Variants in PTK7 observed in about 807,000 individuals in gnomAD.
PTK7 encodes inactive tyrosine-protein kinase 7.
A neutral mutation model predicts 116.6 loss-of-function variants in PTK7; 39 were observed. The observed-to-expected ratio is 0.33, with a 90% CI of 0.26 to 0.44. The LOEUF (loss-of-function observed/expected upper bound fraction) is 0.44. Among genes scored for constraint, PTK7 ranks in the 20% least tolerant of loss-of-function variants. The pLI is 1.00. For missense variants in PTK7, 1,169 were observed against 1,425.6 expected (o/e 0.82, Z 2.90); for synonymous variants, 546 against 563.6 (o/e 0.97, Z 0.44).
intron 1 of PTK7, among the ~76,000 whole-genome samples, chr6:43,083,262 C>T (rs1450387717): frequency 6.6e-6 from 1 of 152,268 alleles, no homozygotes; most frequent in Non-Finnish European, 1.5e-5. Context: ...CTGGCCAGAG[C>T]CACGTGGTGG....
intron 1 of PTK7, among the ~76,000 whole-genome samples, chr6:43,096,020 T>C (rs1767231289): frequency 6.6e-6 from 1 of 152,166 alleles, no homozygotes; most frequent in Admixed American, 6.5e-5. Context: ...CTAGTTTGGG[T>C]CTAATGCCCT....
chr6:43,110,131 G>T (rs1768114000), intron 1 of PTK7, among the ~76,000 whole-genome samples: 1 of 151,488 alleles, frequency 6.6e-6, no homozygotes, highest in Admixed American at 6.6e-5. Context: ...TGAGTAGCTG[G>T]GATTACAGGC....
At chr6:43,110,950 T>C (rs539621886) in intron 1 of PTK7, among the ~76,000 whole-genome samples, 142 of 152,340 alleles carry the variant, frequency 9.3e-4, no homozygotes, top group African/African-American at 3.0e-3. Flanking sequence ...TAGGCATTCA[T>C]TGGTGCATGA....
At chr6:43,147,156 C>T (rs1384948605) in intron 17 of PTK7, among the ~76,000 whole-genome samples, 2 of 152,224 alleles carry the variant, frequency 1.3e-5, no homozygotes, top group Non-Finnish European at 2.9e-5. Context: ...AATGGGCTGC[C>T]TGGGTTTCCC....
chr6:43,105,450 C>CAAA lies in PTK7; in HGVS notation c.80-23509_80-23507dup, dbSNP rs34623759. On this transcript the variant is annotated intron_variant, in intron 1 of 19. Transcript: ENST00000230419. ...AAGACATCTGTGGTTAACTGTATAG[C>CAAA]AAAAAAAAAAAAAAAAAAAAGCAAC... Among the ~76,000 whole-genome samples, 165 of 93,372 alleles carry CAAA rather than the reference C, an allele frequency of 1.8e-3. 1 individual carries two copies. The highest frequency in any genetic ancestry group is 4.6e-3 in the African/African-American group (114 of 24,802). The allele number at this position is 93,372 out of a possible 152,430, so 61.3% of individuals were successfully genotyped here.
chr6:43,084,706 A>G (rs1766561886), intron 1 of PTK7, among the ~76,000 whole-genome samples: 1 of 152,192 alleles, frequency 6.6e-6, no homozygotes, highest in Non-Finnish European at 1.5e-5. Flanking sequence ...TATGAAAGAC[A>G]CCATTTGGTA....
intron 17 of PTK7, among the ~76,000 whole-genome samples, chr6:43,155,203 T>A (rs950500666): frequency 2.0e-5 from 3 of 151,966 alleles, no homozygotes; most frequent in Non-Finnish European, 4.4e-5. Flanking sequence ...TTTTTTTTTT[T>A]AAAGAGATAG....
At chr6:43,154,615 G>A (rs908010474) in intron 17 of PTK7, among the ~76,000 whole-genome samples, 3 of 151,988 alleles carry the variant, frequency 2.0e-5, no homozygotes, top group African/African-American at 7.3e-5. Context: ...TAGAGATTGT[G>A]ACCATAGTTA....
chr6:43,087,526 A>G (rs1766726416), intron 1 of PTK7, among the ~76,000 whole-genome samples: 2 of 152,172 alleles, frequency 1.3e-5, no homozygotes, highest in African/African-American at 4.8e-5. Context: ...GCTGAGCTCC[A>G]GCGCTGGGTA....
intron 1 of PTK7, among the ~76,000 whole-genome samples, chr6:43,079,844 A>G (rs1474631821): frequency 1.4e-5 from 2 of 145,310 alleles, no homozygotes; most frequent in African/African-American, 5.2e-5. Flanking sequence ...GGATCGCTTG[A>G]GCCCAGGGGC....
intron 1 of PTK7, among the ~76,000 whole-genome samples, chr6:43,118,651 CTCTCTCTCTATATATATATA>C (rs1428426415): frequency 2.3e-4 from 19 of 82,708 alleles, no homozygotes; most frequent in African/African-American, 9.3e-4. Context: ...CTCTCTCTCT[CTCTCTCTCTATATATATATA>C]TATATATATA....
chr6:43,142,910 G>A (rs961990711), intron 13 of PTK7: 2 of 173,760 alleles, frequency 1.2e-5, no homozygotes, highest in Non-Finnish European at 2.5e-5. Context: ...GCAGTTGGGG[G>A]ATCCTGCATG....
chr6:43,147,910 A>G (rs1219613826), intron 17 of PTK7, among the ~76,000 whole-genome samples: 1 of 152,174 alleles, frequency 6.6e-6, no homozygotes, highest in African/African-American at 2.4e-5. Context: ...CTCACAAATT[A>G]GGACACTCAC....
intron 1 of PTK7, among the ~76,000 whole-genome samples, chr6:43,096,184 G>T (rs1427102247): frequency 6.6e-6 from 1 of 152,130 alleles, no homozygotes; most frequent in Non-Finnish European, 1.5e-5. Context: ...TCTCAGCCTC[G>T]GGGAGAGGTG....
chr6:43,076,848 C>G lies in PTK7; in HGVS notation c.79+281C>G, dbSNP rs2150362777. 1 of 1,451,660 alleles carries G rather than the reference C, an allele frequency of 6.9e-7. No homozygotes were observed. The highest frequency in any genetic ancestry group is 1.4e-5 in the African/African-American group (1 of 69,634). 89.9% of individuals were successfully genotyped at this position (1,451,660 alleles called of 1,614,324 possible). A position where few individuals can be genotyped will look rare whatever the true frequency, so the allele number is the denominator to read the frequency against. On this transcript the variant is annotated intron_variant, in intron 1 of 19. Transcript: ENST00000230419. The surrounding 1 kb of genome is among the most constrained non-coding windows in gnomAD (Gnocchi z 5.7). ...TTCTGGTCTGAGCCGAGAGTTTGCT[C>G]GAGAACTGCCGAGAGTTGCTGGCTC...
At position 43,076,430 on chromosome 6, in the gene PTK7, C is replaced by CGATG; in HGVS notation, c.-58_-57insATGG. 1 of 1,398,016 alleles carries CGATG rather than the reference C, an allele frequency of 7.2e-7. No homozygotes were observed. Among genetic ancestry groups the CGATG allele is most frequent in the Non-Finnish European group, 9.4e-7 (1 of 1,062,268 alleles). The allele number at this position is 1,398,016 out of a possible 1,614,324, so 86.6% of individuals were successfully genotyped here. On this transcript the variant is annotated 5_prime_UTR_variant, in exon 1 of 20. In the 5' UTR this introduces an upstream ATG that the reference lacks. Coordinates refer to ENST00000230419, the MANE Select transcript of PTK7 (RefSeq NM_002821.5). This position sits in a 1 kb window ranked among gnomAD's most constrained non-coding sequence, Gnocchi z 5.7. ...TGCGCTCCGCCTCCTGTGCCCGCCG[C>CGATG]GGAGCGCAGTCTGCGCGCCCGCCGT...
intron 1 of PTK7, among the ~76,000 whole-genome samples, chr6:43,098,138 T>C (rs1053496173): frequency 2.6e-5 from 4 of 152,130 alleles, no homozygotes; most frequent in African/African-American, 9.7e-5. Context: ...GGAAGTGAGC[T>C]TGAGAGACAT....
At chr6:43,093,308 G>A (rs957702699) in intron 1 of PTK7, among the ~76,000 whole-genome samples, 1 of 149,386 alleles carries the variant, frequency 6.7e-6, no homozygotes, top group Non-Finnish European at 1.5e-5. Flanking sequence ...TCCTGCCTCA[G>A]TCTCCAGAGT....
chr6:43,096,628 G>A (rs1469027343), intron 1 of PTK7, among the ~76,000 whole-genome samples: 1 of 152,224 alleles, frequency 6.6e-6, no homozygotes, highest in Admixed American at 6.5e-5. Context: ...GGGGTGGTAG[G>A]TGGGATGGAG....
Sources: gnomAD v4.1 joint callset for allele counts (sites outside exome capture counted in the v4.1 genomes callset) on GRCh38, gnomAD v4.1.1 for gene constraint, Gnocchi (gnomAD v3.1) non-coding constraint, MANE v1.5 for transcripts, NCBI Gene and HGNC (gene_info 2026-07-23, HGNC 2026-07-21) for gene names.